The following DENND4A variants were observed in gnomAD, a reference collection of about 807,000 sequenced individuals.
DENND4A encodes C-myc promoter-binding protein.
DENND4A carries 70 observed loss-of-function variants against 199.3 expected under a neutral mutation model. The ratio of observed to expected loss-of-function variants is 0.35; its 90% confidence interval spans 0.29 to 0.43. The LOEUF (loss-of-function observed/expected upper bound fraction) is 0.43. Among genes scored for constraint, DENND4A ranks in the 20% least tolerant of loss-of-function variants. The pLI is 1.00. For missense variants in DENND4A, 1,723 were observed against 2,255.8 expected, an observed-to-expected ratio of 0.76 and a Z score of 4.78; for synonymous variants, 686 against 766.9, an observed-to-expected ratio of 0.89 and a Z score of 1.74.
At chr15:65,678,689 TTATC>T (rs2076469234) in intron 23 of DENND4A, among the ~76,000 whole-genome samples, 1 of 152,210 alleles carries the variant, frequency 6.6e-6, no homozygotes, top group African/African-American at 2.4e-5. Flanking sequence ...TACAACATTT[TTATC>T]TATCATTTTT....
chr15:65,788,838 G>C (rs1416819303), intron 1 of DENND4A, among the ~76,000 whole-genome samples: 1 of 130,570 alleles, frequency 7.7e-6, no homozygotes, highest in East Asian at 2.3e-4. Flanking sequence ...CTGGGTGACA[G>C]AGCCAGGACT....
At chr15:65,771,955 C>T (rs2077142515) in intron 1 of DENND4A, 1 of 1,581,102 alleles carries the variant, frequency 6.3e-7, no homozygotes. Flanking sequence ...ATCTTCATCA[C>T]CACTATCTTT....
chr15:65,732,858 C>T lies in DENND4A; in HGVS notation c.1041-40G>A, dbSNP rs558770724. 17 of 1,223,272 alleles carry T rather than the reference C, an allele frequency of 1.4e-5. No homozygotes were observed. In the East Asian group the frequency reaches 2.8e-4, roughly 20 times the overall value. The allele number at this position is 1,223,272 out of a possible 1,614,324, so 75.8% of individuals were successfully genotyped here. ...AAAGTGTAAGTGATTCCAAAGTGAACGTCATATGCTATAAAGCTCAACATG... is the reference window on the plus strand; with the variant it reads ...AAAGTGTAAGTGATTCCAAAGTGAATGTCATATGCTATAAAGCTCAACATG... On this transcript the variant is annotated intron_variant, in intron 7 of 32. Coordinates refer to ENST00000443035, the MANE Select transcript of DENND4A (RefSeq NM_001320835.1).
chr15:65,691,813 C>A (rs1390573668), intron 22 of DENND4A, among the ~76,000 whole-genome samples: 1 of 151,886 alleles, frequency 6.6e-6, no homozygotes, highest in African/African-American at 2.4e-5. Flanking sequence ...AGGGTATGCT[C>A]CTAGACATCA....
At chr15:65,762,089 C>G (rs2076866199) in intron 1 of DENND4A, among the ~76,000 whole-genome samples, 1 of 152,104 alleles carries the variant, frequency 6.6e-6, no homozygotes, top group African/African-American at 2.4e-5. Context: ...CTCACCGCAA[C>G]CTCCACCTCC....
intron 27 of DENND4A, among the ~76,000 whole-genome samples, chr15:65,669,126 G>A (rs762696010): frequency 1.3e-5 from 2 of 152,146 alleles, no homozygotes; most frequent in Non-Finnish European, 2.9e-5. Context: ...ATGAAAGAAG[G>A]TGCACAAACA....
chr15:65,742,486 T>G (rs940554845), intron 4 of DENND4A, among the ~76,000 whole-genome samples: 1 of 148,740 alleles, frequency 6.7e-6, no homozygotes, highest in Non-Finnish European at 1.5e-5. Flanking sequence ...GTCGCAATGG[T>G]GCAATCTCAG....
At chr15:65,720,947 T>TTTTATATATATATATATATA (rs1435137020) in intron 12 of DENND4A, among the ~76,000 whole-genome samples, 25 of 76,232 alleles carry the variant, frequency 3.3e-4, no homozygotes, top group African/African-American at 1.2e-3. Context: ...GTTTCATTGA[T>TTTTATATATATATATATATA]TATATATATA....
At chr15:65,727,778 TTAAG>T (rs2075846156) in intron 11 of DENND4A, 3 of 369,620 alleles carry the variant, frequency 8.1e-6, no homozygotes, top group African/African-American at 2.2e-5. Context: ...CCTGAATAGA[TTAAG>T]TATGATTAAA....
rs750303521 is a variant in DENND4A at position 65,676,677 on chromosome 15, GTAAT to G, written c.4180-47_4180-44del. 11 of 1,477,526 alleles carry G rather than the reference GTAAT, an allele frequency of 7.4e-6. 1 individual carries two copies. In the South Asian group the frequency reaches 1.4e-4, roughly 19 times the overall value. The allele number at this position is 1,477,526 out of a possible 1,614,324, so 91.5% of individuals were successfully genotyped here. The stretch of plus-strand genomic sequence containing the variant: ...AGCTTAATTTCTTGTACATTTAAAG[GTAAT>G]TAATTAAAAAGTCACTTCTAAGGCA... On this transcript the variant is annotated intron_variant, in intron 23 of 32. Transcript: ENST00000443035.
chr15:65,661,834 A>G lies in DENND4A; in HGVS notation c.*17T>C, dbSNP rs1199976507. ...ACTATACAATATACATTGAATGTTTACACATACAAATACATCTTAAAGATA... is the reference window on the plus strand; with the variant it reads ...ACTATACAATATACATTGAATGTTTGCACATACAAATACATCTTAAAGATA... On this transcript the variant is annotated 3_prime_UTR_variant, in exon 33 of 33. Coordinates refer to ENST00000443035, the MANE Select transcript of DENND4A (RefSeq NM_001320835.1). 3.1e-6 allele frequency: 5 copies of G among 1,589,114 alleles called. No individual in the cohort carries two copies. The South Asian group carries it at 4.6e-5, about 14-fold the overall frequency.
In DENND4A at chr15:65,723,032, G is replaced by A. The variant is rs1406371415; in HGVS notation, c.1488-84C>T. The A allele has an allele frequency of 4.8e-6, 5 of 1,031,550 alleles. No homozygotes were observed. The East Asian group carries it at 1.2e-4, about 25-fold the overall frequency. 63.9% of individuals were successfully genotyped at this position (1,031,550 alleles called of 1,614,324 possible). A position where few individuals can be genotyped will look rare whatever the true frequency, so the allele number is the denominator to read the frequency against. ...ATATATCTGTTATATATAAAAACGGGAAAAGATTAAACACCTTGAATGAAA... is the reference window on the plus strand; with the variant it reads ...ATATATCTGTTATATATAAAAACGGAAAAAGATTAAACACCTTGAATGAAA... On this transcript the variant is annotated intron_variant, in intron 11 of 32. Transcript: ENST00000443035.
intron 29 of DENND4A, among the ~76,000 whole-genome samples, chr15:65,666,235 CAATAACT>C (rs1312999923): frequency 6.6e-6 from 1 of 152,098 alleles, no homozygotes; most frequent in African/African-American, 2.4e-5. Context: ...AAGAAATTAA[CAATAACT>C]AATAATAAAA....
intron 4 of DENND4A, among the ~76,000 whole-genome samples, chr15:65,751,569 C>T (rs1567076505): frequency 6.6e-6 from 1 of 152,028 alleles, no homozygotes; most frequent in Non-Finnish European, 1.5e-5. Flanking sequence ...GAGGACTGAA[C>T]CATGAGGCAC....
intron 5 of DENND4A, among the ~76,000 whole-genome samples, chr15:65,739,988 C>T (rs1229904157): frequency 1.3e-5 from 2 of 152,066 alleles, no homozygotes; most frequent in Non-Finnish European, 2.9e-5. Flanking sequence ...CAAGACCAGC[C>T]TGGACAACAC....
intron 30 of DENND4A, chr15:65,665,083 C>A (rs916208005): frequency 2.9e-5 from 13 of 456,004 alleles, no homozygotes; most frequent in African/African-American, 2.0e-4. Flanking sequence ...ACACAACCAA[C>A]CCCTCCAGCA....
intron 12 of DENND4A, among the ~76,000 whole-genome samples, chr15:65,722,073 C>G (rs1456926465): frequency 6.6e-6 from 1 of 152,170 alleles, no homozygotes; most frequent in Non-Finnish European, 1.5e-5. Flanking sequence ...AAGATAAGCA[C>G]AGCATTAAGA....
chr15:65,750,989 G>A (rs979635215), intron 4 of DENND4A, among the ~76,000 whole-genome samples: 2 of 152,100 alleles, frequency 1.3e-5, no homozygotes. Context: ...GTCTGTTCTT[G>A]TATATCTAAA....
At chr15:65,740,112 C>T (rs933654766) in intron 5 of DENND4A, among the ~76,000 whole-genome samples, 1 of 151,820 alleles carries the variant, frequency 6.6e-6, no homozygotes, top group Non-Finnish European at 1.5e-5. Context: ...ACTCGGGAGG[C>T]GGAGGTTGCA....
Sources: allele counts gnomAD v4.1 joint callset (sites outside exome capture counted in the v4.1 genomes callset), GRCh38; gene constraint gnomAD v4.1.1; transcripts MANE v1.5; gene names NCBI Gene and HGNC (gene_info 2026-07-23, HGNC 2026-07-21).